Variants in MACROD2 observed in about 807,000 individuals in gnomAD.
MACROD2 encodes the protein mono-ADP ribosylhydrolase 2, also known as ADP-ribose glycohydrolase MACROD2.
In MACROD2, 36 loss-of-function variants were observed where a neutral mutation model predicts 70.4. That is an observed-to-expected ratio of 0.51 (90% CI 0.39 to 0.68). The LOEUF is 0.68. Among genes scored for constraint, MACROD2 ranks in the 30% least tolerant of loss-of-function variants. MACROD2 has a pLI of 0.00. For synonymous variants in MACROD2, 172 were observed against 178.8 expected, an observed-to-expected ratio of 0.96 and a Z score of 0.30; for missense variants, 496 against 538.4, an observed-to-expected ratio of 0.92 and a Z score of 0.78.
chr20:14,609,696 C>T (rs768831711), intron 4 of MACROD2, among the ~76,000 whole-genome samples: 1 of 152,102 alleles, frequency 6.6e-6, no homozygotes, highest in Admixed American at 6.6e-5. Context: ...CTCAGTAAAT[C>T]ATGTGTTCAA....
rs147137056 is a variant in MACROD2 at position 14,326,686 on chromosome 20, T to C, written c.272-166793T>C. On this transcript the variant is annotated intron_variant, in intron 3 of 17. Transcript: ENST00000684519. This position sits in a 1 kb window ranked among gnomAD's most constrained non-coding sequence, Gnocchi z 5.5. ...GTTATTATTGGACATATCCAGTCGATAGAGCTGCCTTAGATAAGAAAAAGC... is the reference window on the plus strand; with the variant it reads ...GTTATTATTGGACATATCCAGTCGACAGAGCTGCCTTAGATAAGAAAAAGC... The C allele has an allele frequency of 4.2e-5, 68 of 1,613,648 alleles. No homozygotes were observed. The African/African-American group carries it at 6.3e-4, about 15-fold the overall frequency.
At chr20:14,575,686 C>T (rs1167107949) in intron 4 of MACROD2, among the ~76,000 whole-genome samples, 1 of 152,014 alleles carries the variant, frequency 6.6e-6, no homozygotes, top group Non-Finnish European at 1.5e-5. Context: ...GGCATATGTA[C>T]ATTTTATAAA....
intron 5 of MACROD2, among the ~76,000 whole-genome samples, chr20:14,977,580 C>T (rs1275769723): frequency 6.6e-6 from 1 of 151,944 alleles, no homozygotes; most frequent in Admixed American, 6.6e-5. Context: ...CTCTCTGCCT[C>T]AGTTTCCTCA....
At chr20:15,715,832 C>T (rs1190380034) in intron 8 of MACROD2, among the ~76,000 whole-genome samples, 1 of 152,092 alleles carries the variant, frequency 6.6e-6, no homozygotes, top group Non-Finnish European at 1.5e-5. Flanking sequence ...GTCATTTCAT[C>T]TTCGCCATCT....
At chr20:16,003,076 A>ACCCC (rs1491318212) in intron 15 of MACROD2, among the ~76,000 whole-genome samples, 1 of 31,700 alleles carries the variant, frequency 3.2e-5, no homozygotes, top group African/African-American at 9.3e-5. Flanking sequence ...AAACCCACCC[A>ACCCC]CCCACCCACA....
intron 8 of MACROD2, among the ~76,000 whole-genome samples, chr20:15,844,066 G>A (rs1162823300): frequency 2.0e-5 from 3 of 151,614 alleles, no homozygotes; most frequent in Admixed American, 1.3e-4. Context: ...ACATATATGA[G>A]TAGCAAAAAT....
intron 8 of MACROD2, among the ~76,000 whole-genome samples, chr20:15,542,467 A>T (rs2047970199): frequency 6.6e-6 from 1 of 152,158 alleles, no homozygotes; most frequent in Non-Finnish European, 1.5e-5. Context: ...GTGGGAGATG[A>T]CCATAATAGC....
At position 15,486,946 on chromosome 20, in the gene MACROD2, C is replaced by T. The variant is rs146835753; in HGVS notation, c.572-12828C>T. ...AGACTGCGGGTTGGCTGTGGTTTAA[C>T]TGATCAAGACTGGGCTTGGCCTAAC... is the stretch of plus-strand genomic sequence containing the variant. On this transcript the variant is annotated intron_variant, in intron 7 of 17. Transcript: ENST00000684519. 5.9e-3 allele frequency among the ~76,000 whole-genome samples: 903 copies of T among 152,320 alleles called. 10 individuals are homozygous for T. The highest frequency in any genetic ancestry group is 0.021 in the African/African-American group (856 of 41,572).
chr20:15,231,679 G>A (rs1049263831), intron 6 of MACROD2, among the ~76,000 whole-genome samples: 3 of 151,970 alleles, frequency 2.0e-5, no homozygotes, highest in South Asian at 2.1e-4. Flanking sequence ...TAAAACAATC[G>A]TGTTACTCTA....
chr20:15,118,515 A>G (rs540284427), intron 5 of MACROD2, among the ~76,000 whole-genome samples: 1 of 152,188 alleles, frequency 6.6e-6, no homozygotes, highest in African/African-American at 2.4e-5. Context: ...GACTGAACCT[A>G]TTACTGATTG....
chr20:15,512,316 G>A (rs554245570), intron 8 of MACROD2, among the ~76,000 whole-genome samples: 1 of 152,320 alleles, frequency 6.6e-6, no homozygotes, highest in African/African-American at 2.4e-5. Flanking sequence ...AAACAGTAGA[G>A]GCCTTTTGCC....
At chr20:15,966,849 A>G (rs1467538732) in intron 12 of MACROD2, among the ~76,000 whole-genome samples, 1 of 152,214 alleles carries the variant, frequency 6.6e-6, no homozygotes, top group African/African-American at 2.4e-5. Flanking sequence ...AGTACTTTTT[A>G]AAGAGCCTCC....
At chr20:15,534,458 T>C (rs1233734) in intron 8 of MACROD2, among the ~76,000 whole-genome samples, 8,224 of 152,242 alleles carry the variant, frequency 0.054, 734 homozygotes, top group African/African-American at 0.19. Context: ...GCAACATGTT[T>C]TTCTCCTGAG....
intron 5 of MACROD2, chr20:15,197,105 G>A (rs2076612670): frequency 1.3e-6 from 1 of 796,080 alleles, no homozygotes; most frequent in African/African-American, 1.9e-5. Context: ...TCCTTTTCAT[G>A]CCCTGGTGAG....
intron 7 of MACROD2, among the ~76,000 whole-genome samples, chr20:15,465,776 C>G (rs2046879747): frequency 6.6e-6 from 1 of 152,250 alleles, no homozygotes; most frequent in Admixed American, 6.5e-5. Context: ...ACCTCCATCA[C>G]TGTACCCACA....
chr20:14,519,540 G>T (rs529490030), intron 4 of MACROD2, among the ~76,000 whole-genome samples: 1 of 152,134 alleles, frequency 6.6e-6, no homozygotes, highest in Non-Finnish European at 1.5e-5. Flanking sequence ...AGTCAGAATG[G>T]CTATTGTTAA....
At chr20:15,056,086 C>T (rs936298415) in intron 5 of MACROD2, among the ~76,000 whole-genome samples, 1 of 152,132 alleles carries the variant, frequency 6.6e-6, no homozygotes, top group African/African-American at 2.4e-5. Flanking sequence ...AGCACCTGGC[C>T]GAAAGCAACA....
At chr20:15,132,532 A>C (rs1300214372) in intron 5 of MACROD2, among the ~76,000 whole-genome samples, 1 of 151,994 alleles carries the variant, frequency 6.6e-6, no homozygotes, top group East Asian at 1.9e-4. Flanking sequence ...GAAAACTTTT[A>C]TATAGCCCAA....
intron 2 of MACROD2, among the ~76,000 whole-genome samples, chr20:14,002,838 CATT>C (rs200085773): frequency 0.016 from 2,365 of 152,086 alleles, 27 homozygotes; most frequent in Non-Finnish European, 0.027. Flanking sequence ...GAACATTTCT[CATT>C]ATTTTAGAGA....
Sources: gnomAD v4.1 joint callset for allele counts (sites outside exome capture counted in the v4.1 genomes callset) on GRCh38, gnomAD v4.1.1 for gene constraint, Gnocchi (gnomAD v3.1) non-coding constraint, MANE v1.5 for transcripts, NCBI Gene and HGNC (gene_info 2026-07-23, HGNC 2026-07-21) for gene names.